Variants in FGGY observed in about 807,000 individuals in gnomAD.
The protein encoded by FGGY is FGGY carbohydrate kinase domain containing.
FGGY carries 72 observed loss-of-function variants against 71.3 expected under a neutral mutation model. That is an observed-to-expected ratio of 1.01 (90% CI 0.84 to 1.23). The LOEUF is 1.23. FGGY is among the 50% of genes most tolerant of loss of function. The pLI is 0.00. For synonymous variants in FGGY, 251 were observed against 250.3 expected (o/e 1.00, Z -0.02); for missense variants, 668 against 682.3 (o/e 0.98, Z 0.23).
intron 4 of FGGY, among the ~76,000 whole-genome samples, chr1:59,372,129 T>C (rs1170660296): frequency 6.6e-6 from 1 of 152,060 alleles, no homozygotes; most frequent in Admixed American, 6.5e-5. Flanking sequence ...CAGGAGCTGG[T>C]TTTTTGAAAG....
chr1:59,633,421 T>A (rs1226148257), intron 10 of FGGY, among the ~76,000 whole-genome samples: 2 of 152,204 alleles, frequency 1.3e-5, no homozygotes, highest in African/African-American at 4.8e-5. Flanking sequence ...ACATAAATCC[T>A]CTTATTTTCT....
chr1:59,703,919 A>G (rs1192349480), intron 14 of FGGY, among the ~76,000 whole-genome samples: 1 of 152,136 alleles, frequency 6.6e-6, no homozygotes, highest in African/African-American at 2.4e-5. Flanking sequence ...TATGGTTTAA[A>G]TCAAGTCTTC....
intron 4 of FGGY, among the ~76,000 whole-genome samples, chr1:59,361,058 T>G (rs2055408126): frequency 1.3e-5 from 2 of 152,328 alleles, no homozygotes; most frequent in South Asian, 4.1e-4. Flanking sequence ...CAATTCCACT[T>G]GCACTATTAT....
chr1:59,487,013 C>T lies in FGGY; in HGVS notation c.671-25298C>T, dbSNP rs1264758063. On this transcript the variant is annotated intron_variant, in intron 6 of 15. Coordinates refer to ENST00000303721, the MANE Select transcript of FGGY (RefSeq NM_018291.5). ...ATGTAGCCAAGCTATAGGTTATACA[C>T]TCCAAGGAGTCTCATGTACATAGAC... Among the ~76,000 whole-genome samples the T allele has an allele frequency of 1.3e-5, 2 of 152,180 alleles. 1 individual carries two copies. The highest frequency in any genetic ancestry group is 4.1e-4 in the South Asian group (2 of 4,834).
intron 4 of FGGY, among the ~76,000 whole-genome samples, chr1:59,352,988 A>G (rs1262003905): frequency 6.6e-6 from 1 of 152,194 alleles, no homozygotes; most frequent in African/African-American, 2.4e-5. Context: ...AACTGTGTTC[A>G]TCAGGTCTTA....
At chr1:59,337,569 T>C (rs924069680) in intron 2 of FGGY, among the ~76,000 whole-genome samples, 2 of 152,198 alleles carry the variant, frequency 1.3e-5, no homozygotes, top group East Asian at 3.9e-4. Context: ...TCCAGTCCAG[T>C]TGATATCTAA....
At chr1:59,358,856 T>G (rs575842408) in intron 4 of FGGY, among the ~76,000 whole-genome samples, 1 of 152,364 alleles carries the variant, frequency 6.6e-6, no homozygotes, top group African/African-American at 2.4e-5. Context: ...TCTATCCCAT[T>G]TATTCTTATG....
chr1:59,685,416 A>G (rs569167663), intron 14 of FGGY, among the ~76,000 whole-genome samples: 1 of 152,182 alleles, frequency 6.6e-6, no homozygotes, highest in African/African-American at 2.4e-5. Context: ...TTTATTTGTC[A>G]TTCATACTCT....
intron 5 of FGGY, among the ~76,000 whole-genome samples, chr1:59,407,570 T>C (rs1007239474): frequency 6.6e-6 from 1 of 152,110 alleles, no homozygotes; most frequent in Non-Finnish European, 1.5e-5. Context: ...AAAAAAAATA[T>C]TCTGATAGTT....
At chr1:59,326,475 CA>C in intron 2 of FGGY, among the ~76,000 whole-genome samples, 1 of 152,202 alleles carries the variant, frequency 6.6e-6, no homozygotes. Context: ...ATTGCTATTG[CA>C]GGGTGAAGTA....
intron 5 of FGGY, among the ~76,000 whole-genome samples, chr1:59,422,659 A>C (rs1571959398): frequency 6.6e-6 from 1 of 151,088 alleles, no homozygotes. Flanking sequence ...CATGCGCTGC[A>C]CTCCGATTTG....
intron 11 of FGGY, among the ~76,000 whole-genome samples, chr1:59,638,661 ATT>A (rs909019700): frequency 8.5e-5 from 13 of 152,162 alleles, no homozygotes; most frequent in African/African-American, 2.9e-4. Context: ...TAATTTTGGC[ATT>A]TATATCAGTT....
chr1:59,555,308 A>G (rs1207128811), intron 8 of FGGY, among the ~76,000 whole-genome samples: 2 of 152,062 alleles, frequency 1.3e-5, no homozygotes, highest in African/African-American at 4.8e-5. Context: ...ATGGCATCCC[A>G]TTTTCTATGG....
intron 4 of FGGY, among the ~76,000 whole-genome samples, chr1:59,357,120 G>C (rs1020606095): frequency 6.6e-6 from 1 of 152,176 alleles, no homozygotes; most frequent in African/African-American, 2.4e-5. Flanking sequence ...TACTGGACTT[G>C]TAACTAAATA....
At chr1:59,430,414 G>A (rs896148338) in intron 5 of FGGY, among the ~76,000 whole-genome samples, 4 of 152,236 alleles carry the variant, frequency 2.6e-5, no homozygotes, top group African/African-American at 9.6e-5. Context: ...TCCCGGTGCA[G>A]GGAGACATTT....
chr1:59,540,713 G>T (rs978306578), intron 7 of FGGY, among the ~76,000 whole-genome samples: 1 of 152,152 alleles, frequency 6.6e-6, no homozygotes, highest in Non-Finnish European at 1.5e-5. Context: ...GCTCTGGGCC[G>T]CCCTGTGCTA....
chr1:59,557,783 G>T (rs2095713744), intron 8 of FGGY, among the ~76,000 whole-genome samples: 1 of 152,136 alleles, frequency 6.6e-6, no homozygotes, highest in South Asian at 2.1e-4. Context: ...TCCTTTTCTT[G>T]AGCTGTCAGG....
At chr1:59,334,175 T>G (rs1226667488) in intron 2 of FGGY, among the ~76,000 whole-genome samples, 1 of 152,102 alleles carries the variant, frequency 6.6e-6, no homozygotes, top group African/African-American at 2.4e-5. Flanking sequence ...TGGAGTCTCA[T>G]TCTGTCGCCC....
intron 4 of FGGY, among the ~76,000 whole-genome samples, chr1:59,369,630 T>C (rs977356159): frequency 6.6e-6 from 1 of 152,184 alleles, no homozygotes; most frequent in African/African-American, 2.4e-5. Context: ...CCCTGACCCC[T>C]GACCCCCGAG....
Sources: gnomAD v4.1 joint callset for allele counts (sites outside exome capture counted in the v4.1 genomes callset) on GRCh38, gnomAD v4.1.1 for gene constraint, MANE v1.5 for transcripts, NCBI Gene and HGNC (gene_info 2026-07-23, HGNC 2026-07-21) for gene names.